Variants in BCOR observed in about 807,000 individuals in gnomAD.
BCOR encodes the protein BCL-6 corepressor.
A neutral mutation model predicts 86.7 loss-of-function variants in BCOR; 10 were observed. The ratio of observed to expected loss-of-function variants is 0.12; its 90% CI spans 0.07 to 0.20. The LOEUF (loss-of-function observed/expected upper bound fraction) is 0.20, where lower values mean the gene tolerates loss of function less well. Among genes scored for constraint, BCOR ranks in the 10% least tolerant of loss-of-function variants. The pLI is 1.00. For missense variants in BCOR, 1,259 were observed against 1,452.1 expected (o/e 0.87, Z 2.16); for synonymous variants, 611 against 609.0 (o/e 1.00, Z -0.05).
intron 1 of BCOR, among the ~76,000 whole-genome samples, chrX:40,175,563 C>A (rs1602289847): frequency 1.8e-5 from 2 of 113,373 alleles, no homozygotes; most frequent in Non-Finnish European, 1.9e-5. Context: ...GCCAGGAATA[C>A]GCTTCCGCGG....
chrX:40,139,501 T>A (rs769864381), intron 1 of BCOR, among the ~76,000 whole-genome samples: 11 of 36,549 alleles, frequency 3.0e-4, no homozygotes, highest in Non-Finnish European at 1.9e-4. Context: ...ATATATATTT[T>A]TTTTTTTTTT....
upstream of BCOR, among the ~76,000 whole-genome samples, chrX:40,101,261 C>T (rs1032259863): frequency 1.8e-5 from 2 of 111,537 alleles, no homozygotes; most frequent in African/African-American, 6.5e-5. Context: ...CTCCTGCCCC[C>T]TCCTCTCCTG....
At chrX:40,092,140 G>A (rs1463423223) in intron 1 of BCOR, among the ~76,000 whole-genome samples, 1 of 111,879 alleles carries the variant, frequency 8.9e-6, no homozygotes, top group African/African-American at 3.2e-5. Context: ...CTCCGGGTCC[G>A]CCGGGCCCGG....
At chrX:40,164,969 T>A (rs986993101) in intron 1 of BCOR, among the ~76,000 whole-genome samples, 4 of 111,841 alleles carry the variant, frequency 3.6e-5, no homozygotes, top group African/African-American at 6.5e-5. Context: ...AGGCCCCTGA[T>A]GCCCAGGCGG....
At chrX:40,063,110 G>GGGA in intron 8 of BCOR, 39 bp from the exon 9 acceptor site, 3 of 644,545 alleles carry the variant, frequency 4.7e-6, no homozygotes, top group East Asian at 5.7e-5. Context: ...GGGCGGATGG[G>GGGA]AGACGGGAGA....
At chrX:40,103,109 G>A (rs912453131) in intron 1 of BCOR, among the ~76,000 whole-genome samples, 1 of 110,628 alleles carries the variant, frequency 9.0e-6, no homozygotes, top group Non-Finnish European at 1.9e-5. Flanking sequence ...GGGGTGGGGG[G>A]GCTCAGGGTG....
At chrX:40,115,708 C>T (rs754149382) in intron 1 of BCOR, among the ~76,000 whole-genome samples, 77 of 105,109 alleles carry the variant, frequency 7.3e-4, no homozygotes, top group Admixed American at 1.0e-3. Flanking sequence ...ACCCAGGAGG[C>T]GGAAACTCTA....
intron 1 of BCOR, among the ~76,000 whole-genome samples, chrX:40,170,420 G>A (rs772628237): frequency 9.3e-6 from 1 of 107,889 alleles, no homozygotes; most frequent in South Asian, 4.1e-4. Context: ...GCACGATCTC[G>A]GCTCACTGCA....
At chrX:40,163,703 T>C (rs940039264) in intron 1 of BCOR, among the ~76,000 whole-genome samples, 4 of 108,209 alleles carry the variant, frequency 3.7e-5, no homozygotes, top group Non-Finnish European at 7.6e-5. Context: ...AACCAATGAA[T>C]ATAGACTTCA....
intron 1 of BCOR, among the ~76,000 whole-genome samples, chrX:40,110,348 G>A (rs1337097120): frequency 9.0e-6 from 1 of 111,420 alleles, no homozygotes; most frequent in Non-Finnish European, 1.9e-5. Flanking sequence ...GAGTGTCTTT[G>A]ATTAAATATA....
intron 1 of BCOR, among the ~76,000 whole-genome samples, chrX:40,132,678 G>A (rs1937614786): frequency 8.9e-6 from 1 of 112,400 alleles, no homozygotes; most frequent in African/African-American, 3.2e-5. Context: ...GAGGTGCAGA[G>A]GGGCTGAATA....
chrX:40,118,078 C>G (rs184885524), intron 1 of BCOR, among the ~76,000 whole-genome samples: 151 of 97,233 alleles, frequency 1.6e-3, no homozygotes, highest in African/African-American at 5.5e-3. Flanking sequence ...GATAATAGAA[C>G]TGAAATTGTC....
chrX:40,160,097 G>T (rs1938380419), intron 1 of BCOR, among the ~76,000 whole-genome samples: 1 of 111,618 alleles, frequency 9.0e-6, no homozygotes, highest in Non-Finnish European at 1.9e-5. Context: ...CCATCAGATG[G>T]TTGACATGGA....
chrX:40,097,220 A>AT lies in BCOR; in HGVS notation c.-47dup, dbSNP rs1305805182. ...AAGGTGTTCCGGGCACTGACCTGAAATCCCCGGTGGGGGAGTAGGCAGGGA... is the reference window on the plus strand; with the variant it reads ...AAGGTGTTCCGGGCACTGACCTGAAATTCCCCGGTGGGGGAGTAGGCAGGGA... On this transcript the variant is annotated 5_prime_UTR_variant, in exon 1 of 15. Coordinates refer to ENST00000378444, the MANE Select transcript of BCOR (RefSeq NM_001123385.2). The AT allele has an allele frequency of 3.9e-4, 42 of 106,433 alleles. No homozygotes were observed. Among genetic ancestry groups the AT allele is most frequent in the African/African-American group, 1.4e-3 (42 of 29,137 alleles). The allele number at this position is 106,433 out of a possible 1,213,427, so 8.8% of individuals were successfully genotyped here.
chrX:40,168,165 C>T (rs918369102), intron 1 of BCOR, among the ~76,000 whole-genome samples: 3 of 113,149 alleles, frequency 2.7e-5, no homozygotes, highest in Non-Finnish European at 3.8e-5. Flanking sequence ...CCTTCCCTGC[C>T]CCCTCTTTTA....
intron 1 of BCOR, among the ~76,000 whole-genome samples, chrX:40,104,321 AT>A (rs1433499776): frequency 8.9e-6 from 1 of 112,060 alleles, no homozygotes; most frequent in Non-Finnish European, 1.9e-5. Context: ...TCTGATATTT[AT>A]AGGCCCCTAT....
chrX:40,116,125 A>G (rs918684533), intron 1 of BCOR, among the ~76,000 whole-genome samples: 10 of 111,799 alleles, frequency 8.9e-5, no homozygotes, highest in African/African-American at 3.3e-4. Flanking sequence ...CAATAGCTAG[A>G]ATTTATTAAG....
chrX:40,078,480 T>C (rs1325149104), intron 1 of BCOR, among the ~76,000 whole-genome samples: 1 of 111,630 alleles, frequency 9.0e-6, no homozygotes, highest in African/African-American at 3.3e-5. Context: ...GCTCTCAAAC[T>C]ACCTGCGTTT....
Position 40,063,939 on chromosome X carries a change from C to T in BCOR, c.3516G>A (p.Glu1172=), listed in dbSNP as rs1263430760. The change falls in exon 8 of 15, where the codon GAG becomes GAA. Residue 1172 remains glutamate, a synonymous_variant. Coordinates refer to ENST00000378444, the MANE Select transcript of BCOR (RefSeq NM_001123385.2). ...RRRVSKDDWP[E]REMTNSSSNH... Reference sequence around the variant, plus strand: ...TAGAGGAACTGTTTGTCATTTCCCTCTCAGGCCAGTCATCTAATGGAGAAA... The same window carrying T: ...TAGAGGAACTGTTTGTCATTTCCCTTTCAGGCCAGTCATCTAATGGAGAAA... The T allele has an allele frequency of 1.7e-6, 2 of 1,198,655 alleles. No individual in the cohort carries two copies. Among genetic ancestry groups the T allele is most frequent in the Admixed American group, 4.5e-5 (2 of 44,841 alleles).
Sources: allele counts gnomAD v4.1 joint callset (sites outside exome capture counted in the v4.1 genomes callset), GRCh38; gene constraint gnomAD v4.1.1; transcripts MANE v1.5; gene names NCBI Gene and HGNC (gene_info 2026-07-23, HGNC 2026-07-21).